Variants in TRIM24 observed in about 807,000 individuals in gnomAD.
TRIM24 encodes the protein tripartite motif containing 24.
Under a neutral mutation model 123.9 loss-of-function variants are expected in TRIM24, and 29 were observed. That is an observed-to-expected ratio of 0.23 (90% CI 0.17 to 0.32). The LOEUF (loss-of-function observed/expected upper bound fraction) is 0.32, where lower values mean the gene tolerates loss of function less well. Among genes scored for constraint, TRIM24 ranks in the 10% least tolerant of loss-of-function variants. TRIM24 has a pLI of 1.00. For synonymous variants in TRIM24, 456 were observed against 461.1 expected, an observed-to-expected ratio of 0.99 and a Z score of 0.14; for missense variants, 932 against 1,295.3, an observed-to-expected ratio of 0.72 and a Z score of 4.31.
At chr7:138,519,437 A>G (rs1376160408) in intron 4 of TRIM24, 116 bp downstream of exon 4, 2 of 1,177,500 alleles carry the variant, frequency 1.7e-6, no homozygotes, top group East Asian at 2.4e-5. Context: ...GGCCAGCACT[A>G]TGCTGGCCTG....
chr7:138,500,764 G>A (rs1029868184), intron 1 of TRIM24, among the ~76,000 whole-genome samples: 3 of 151,746 alleles, frequency 2.0e-5, no homozygotes, highest in Non-Finnish European at 4.4e-5. Flanking sequence ...CAATTTTGTT[G>A]TATAAGTATG....
intron 7 of TRIM24, among the ~76,000 whole-genome samples, chr7:138,543,999 AT>A (rs1040161245): frequency 2.3e-4 from 34 of 147,214 alleles, no homozygotes; most frequent in Middle Eastern, 3.6e-3. Context: ...CATAGTCCAG[AT>A]TTTTTTTTTT....
chr7:138,494,522 G>A (rs974206183), intron 1 of TRIM24, among the ~76,000 whole-genome samples: 2 of 151,942 alleles, frequency 1.3e-5, no homozygotes, highest in Non-Finnish European at 2.9e-5. Flanking sequence ...CCACTTGATG[G>A]CAAGAGTTCA....
chr7:138,581,590 T>C, intron 16 of TRIM24, 107 bp from the exon 17 acceptor site: 1 of 940,282 alleles, frequency 1.1e-6, no homozygotes, highest in South Asian at 1.9e-5. Flanking sequence ...ATCTGGGTTT[T>C]AATTTTTAGT....
At chr7:138,555,733 C>T (rs1797302910) in intron 9 of TRIM24, among the ~76,000 whole-genome samples, 5 of 152,114 alleles carry the variant, frequency 3.3e-5, no homozygotes. Flanking sequence ...CCACCCACCT[C>T]AGCCTCCCAA....
At chr7:138,583,197 A>C (rs754662590) in intron 17 of TRIM24, among the ~76,000 whole-genome samples, 7 of 152,236 alleles carry the variant, frequency 4.6e-5, no homozygotes, top group South Asian at 2.1e-4. Flanking sequence ...CTCTTGTATA[A>C]TACATGCAGC....
chr7:138,480,532 T>C (rs1193615181), intron 1 of TRIM24, among the ~76,000 whole-genome samples: 4 of 152,240 alleles, frequency 2.6e-5, no homozygotes, highest in Admixed American at 2.6e-4. Context: ...TGCCTGTTTT[T>C]TGCTCTTTTT....
Position 138,495,956 on chromosome 7 carries a change from T to C in TRIM24, c.365-8334T>C, listed in dbSNP as rs531009063. On this transcript the variant is annotated intron_variant, in intron 1 of 18. Transcript: ENST00000343526. ...CTGGACTCTATTCTGTTTCATTGTT[T>C]GTATTTCTCTCCTTTCTCAAATACC... 5.3e-5 allele frequency among the ~76,000 whole-genome samples: 8 copies of C among 152,342 alleles called. No homozygotes were observed. The South Asian group carries it at 1.2e-3, about 24-fold the overall frequency.
At chr7:138,571,066 A>C in intron 11 of TRIM24, 63 bp downstream of exon 11, 1 of 1,532,636 alleles carries the variant, frequency 6.5e-7, no homozygotes, top group Non-Finnish European at 9.0e-7. Context: ...GCAGTGGCTC[A>C]CTCCTGTAAT....
rs549673644 is a variant in TRIM24, at chr7:138,588,393, A to G, written c.*3442A>G. 1 of 152,236 alleles carries G rather than the reference A, an allele frequency of 6.6e-6. No individual in the cohort carries two copies. Among genetic ancestry groups the G allele is most frequent in the Non-Finnish European group, 1.5e-5 (1 of 68,052 alleles). The allele number at this position is 152,236 out of a possible 1,614,324, so 9.4% of individuals were successfully genotyped here. ...TGAATGAGAGAAATTGAGTGATCTG[A>G]TTGGCCATTAAAATTATGGTGAATG... On this transcript the variant is annotated 3_prime_UTR_variant, in exon 19 of 19. Coordinates refer to ENST00000343526, the MANE Select transcript of TRIM24 (RefSeq NM_015905.3).
chr7:138,516,428 C>T (rs140188716), intron 3 of TRIM24, among the ~76,000 whole-genome samples: 8 of 152,334 alleles, frequency 5.3e-5, no homozygotes, highest in Non-Finnish European at 1.0e-4. Context: ...TGCAGTGGCA[C>T]GATCTCAGCT....
chr7:138,516,585 C>A (rs1384886759), intron 3 of TRIM24, among the ~76,000 whole-genome samples: 1 of 152,108 alleles, frequency 6.6e-6, no homozygotes, highest in Non-Finnish European at 1.5e-5. Context: ...GAACTCCTGA[C>A]CTCAAGTAAT....
chr7:138,536,330 T>C (rs964893508), intron 6 of TRIM24, among the ~76,000 whole-genome samples: 4 of 152,240 alleles, frequency 2.6e-5, no homozygotes, highest in Non-Finnish European at 5.9e-5. Context: ...CTCTGTTTTT[T>C]CCCCATCTTT....
chr7:138,526,675 C>T (rs2116579414), intron 5 of TRIM24, among the ~76,000 whole-genome samples: 1 of 152,168 alleles, frequency 6.6e-6, no homozygotes, highest in South Asian at 2.1e-4. Context: ...CCTCCCAAAG[C>T]ACTGGGATTA....
rs1796674907 is a variant in TRIM24, at chr7:138,529,178, C to T, written c.944C>T (p.Thr315Ile). 1 of 1,581,118 alleles carries T rather than the reference C, an allele frequency of 6.3e-7. No individual in the cohort carries two copies. The highest frequency in any genetic ancestry group is 8.6e-7 in the Non-Finnish European group (1 of 1,166,806). ...VEQDIKVAIFTLMVEINKKGK... is the reference protein window; with the variant it reads ...VEQDIKVAIFILMVEINKKGK... Reference sequence around the variant, plus strand: ...CAGGATATTAAAGTTGCTATATTTACACTGATGGTAGAAATAAATAAAAAA... The same window carrying T: ...CAGGATATTAAAGTTGCTATATTTATACTGATGGTAGAAATAAATAAAAAA... The change falls in exon 6 of 19, where the codon ACA (threonine) becomes ATA (isoleucine). Residue 315 changes from threonine to isoleucine, a missense_variant. Coordinates refer to ENST00000343526, the MANE Select transcript of TRIM24 (RefSeq NM_015905.3).
At chr7:138,476,525 G>A (rs1256896432) in intron 1 of TRIM24, among the ~76,000 whole-genome samples, 1 of 151,654 alleles carries the variant, frequency 6.6e-6, no homozygotes, top group African/African-American at 2.4e-5. Flanking sequence ...CCTGGGAGGC[G>A]GAGGTTGCAG....
chr7:138,580,108 A>T (rs756818420), intron 15 of TRIM24, among the ~76,000 whole-genome samples: 25 of 152,154 alleles, frequency 1.6e-4, no homozygotes, highest in Non-Finnish European at 2.9e-4. Context: ...GATGATCATC[A>T]TCATGACCAA....
intron 9 of TRIM24, 117 bp from the exon 10 acceptor site, chr7:138,567,364 A>G (rs1455999873): frequency 1.0e-6 from 1 of 959,284 alleles, no homozygotes; most frequent in Admixed American, 3.2e-5. Flanking sequence ...AAATCTTAAT[A>G]ATTGATTGAT....
intron 1 of TRIM24, among the ~76,000 whole-genome samples, chr7:138,488,128 T>A (rs1174561475): frequency 6.6e-6 from 1 of 152,166 alleles, no homozygotes; most frequent in Non-Finnish European, 1.5e-5. Context: ...AGCTTATTTC[T>A]GTAGAGGTGT....
Sources: gnomAD v4.1 joint callset for allele counts (sites outside exome capture counted in the v4.1 genomes callset) on GRCh38, gnomAD v4.1.1 for gene constraint, MANE v1.5 for transcripts, NCBI Gene and HGNC (gene_info 2026-07-23, HGNC 2026-07-21) for gene names.